HOXD13: variants seen among roughly 807,000 people sequenced by gnomAD.
The protein encoded by HOXD13 is homeobox D13, also known as homeobox protein Hox-D13.
Under a neutral mutation model 27.3 loss-of-function variants are expected in HOXD13, and 16 were observed. That is an observed-to-expected ratio of 0.59 (90% confidence interval 0.40 to 0.89). The LOEUF (loss-of-function observed/expected upper bound fraction) is 0.89. HOXD13 is among the 40% of genes least tolerant of loss of function. The pLI is 0.00. For synonymous variants in HOXD13, 241 were observed against 219.0 expected, an observed-to-expected ratio of 1.10 and a Z score of -0.89; for missense variants, 481 against 482.6, an observed-to-expected ratio of 1.00 and a Z score of 0.03.
At chr2:176,094,384 C>T in intron 1 of HOXD13, 96 bp from the exon 2 acceptor site, 1 of 1,438,330 alleles carries the variant, frequency 7.0e-7, no homozygotes, top group Non-Finnish European at 9.7e-7. Context: ...CCCCTGCAAA[C>T]GCACACACAC....
chr2:176,089,875 A>G (rs1689294574), upstream of HOXD13, among the ~76,000 whole-genome samples: 1 of 152,218 alleles, frequency 6.6e-6, no homozygotes, highest in Admixed American at 6.5e-5. Flanking sequence ...TTCTCACTTA[A>G]CAAAGCCTAT....
chr2:176,094,652 A>G lies in HOXD13; in HGVS notation c.954A>G (p.Arg318=). 1 of 1,613,898 alleles carries G rather than the reference A, an allele frequency of 6.2e-7. No individual in the cohort carries two copies. Among genetic ancestry groups the G allele is most frequent in the South Asian group, 1.1e-5 (1 of 91,078 alleles). Residue 318 remains arginine (R), a synonymous_variant, in exon 2 of 2, where the codon AGA becomes AGG. Transcript: ENST00000392539. ...RISAATNLSE[R]QVTIWFQNRR... ...CGGCTGCTACGAACCTATCTGAGAG[A>G]CAAGTGACCATTTGGTTTCAGAACC... is the stretch of plus-strand genomic sequence containing the variant.
upstream of HOXD13, among the ~76,000 whole-genome samples, chr2:176,091,778 G>C (rs1242174535): frequency 3.9e-5 from 6 of 152,094 alleles, no homozygotes; most frequent in Admixed American, 3.3e-4. Context: ...TGTGAGAAAC[G>C]GGCGGGAGTG....
At chr2:176,090,678 G>A (rs140163341), upstream of HOXD13, among the ~76,000 whole-genome samples, 1,139 of 152,234 alleles carry the variant, frequency 7.5e-3, 7 homozygotes, top group Middle Eastern at 0.024. Flanking sequence ...ATATTTCAAC[G>A]AATTTGTTTT....
Position 176,092,994 on chromosome 2 carries a change from C to T in HOXD13, c.104C>T (p.Ala35Val). The T allele has an allele frequency of 2.2e-6, 3 of 1,353,536 alleles. No homozygotes were observed. The highest frequency in any genetic ancestry group is 1.8e-5 in the South Asian group (1 of 54,940). 83.8% of individuals were successfully genotyped at this position (1,353,536 alleles called of 1,614,324 possible). The change falls in exon 1 of 2, where the codon GCG becomes GTG. Residue 35 changes from alanine (A) to valine (V), a missense_variant. Ala to Val is a moderately conservative substitution (Grantham distance 64). Transcript: ENST00000392539. ...TCCTCCTCATCGGTGGCGGCGGCGG[C>T]GGCGTCAGGCCAGTGCCGCGGCTTT... ...SSSSSSVAAA[A>V]ASGQCRGFLS...
chr2:176,095,563 T>C lies in HOXD13; in HGVS notation c.*833T>C, dbSNP rs1689399981. The C allele has an allele frequency of 4.4e-6, 1 of 228,686 alleles. No homozygotes were observed. Among genetic ancestry groups the C allele is most frequent in the Non-Finnish European group, 8.7e-6 (1 of 115,116 alleles). 14.2% of individuals were successfully genotyped at this position (228,686 alleles called of 1,614,324 possible). A position where few individuals can be genotyped will look rare whatever the true frequency, so the allele number is the denominator to read the frequency against. On this transcript the variant is annotated 3_prime_UTR_variant, in exon 2 of 2. Transcript: ENST00000392539. ...TAAATGCACCTCCTTTTCTTGGCCTTGGATCTATGGGTCTGGGATTGTGGT... is the reference window on the plus strand; with the variant it reads ...TAAATGCACCTCCTTTTCTTGGCCTCGGATCTATGGGTCTGGGATTGTGGT...
upstream of HOXD13, among the ~76,000 whole-genome samples, chr2:176,088,509 G>T (rs1338340447): frequency 6.6e-6 from 1 of 152,132 alleles, no homozygotes; most frequent in Admixed American, 6.5e-5. Context: ...ACTGCGCGCC[G>T]CCGGGCCGGG....
chr2:176,087,989 C>A (rs1207666654), upstream of HOXD13, among the ~76,000 whole-genome samples: 1 of 152,270 alleles, frequency 6.6e-6, no homozygotes, highest in Non-Finnish European at 1.5e-5. Context: ...AGGGGAGGGG[C>A]GCCGGTAAAG....
intron 1 of HOXD13, 81 bp from the exon 2 acceptor site, chr2:176,094,385 GCACACACACACACA>G (rs10649769): frequency 1.0e-4 from 122 of 1,202,120 alleles, no homozygotes; most frequent in Admixed American, 9.5e-5. Flanking sequence ...CCCTGCAAAC[GCACACACACACACA>G]CACACACACA....
In HOXD13 at chr2:176,093,681, A is replaced by T. The variant is rs1225130205; in HGVS notation, c.781+10A>T. The stretch of plus-strand genomic sequence containing the variant: ...AAATCTTCCTTTCCAGGTAGGGGCG[A>T]TGGAGAAAAGGGACCGACACGAGGG... On this transcript the variant is annotated intron_variant, in intron 1 of 1. Transcript: ENST00000392539. 2 of 1,559,564 alleles carry T rather than the reference A, an allele frequency of 1.3e-6. No individual in the cohort carries two copies. Among genetic ancestry groups the T allele is most frequent in the Middle Eastern group, 1.7e-4 (1 of 5,864 alleles).
rs1316570105 is a variant in HOXD13, at chr2:176,093,063, C to A, written c.173C>A (p.Ala58Glu). The change falls in exon 1 of 2, where the codon GCG becomes GAG. Residue 58 changes from alanine to glutamate, a missense_variant. Transcript: ENST00000392539. The part of the protein sequence containing the change: ...VFAGTHSGRA[A>E]AAAAAAAAAA... Reference sequence around the variant, plus strand: ...GCCGGGACGCATTCGGGGCGGGCGGCGGCGGCGGCAGCGGCGGCTGCGGCG... The same window carrying A: ...GCCGGGACGCATTCGGGGCGGGCGGAGGCGGCGGCAGCGGCGGCTGCGGCG... 7.3e-7 allele frequency: 1 copy of A among 1,377,144 alleles called. No individual in the cohort carries two copies. The highest frequency in any genetic ancestry group is 9.3e-7 in the Non-Finnish European group (1 of 1,075,792). 85.3% of individuals were successfully genotyped at this position (1,377,144 alleles called of 1,614,324 possible). A position where few individuals can be genotyped will look rare whatever the true frequency, so the allele number is the denominator to read the frequency against.
chr2:176,087,608 A>G, the HOXD13 span, among the ~76,000 whole-genome samples: 1 of 152,214 alleles, frequency 6.6e-6, no homozygotes, highest in Admixed American at 6.5e-5. Context: ...CAGAATGTGA[A>G]GGCCAAGGCT....
At chr2:176,094,416 C>CACAA in intron 1 of HOXD13, 64 bp from the exon 2 acceptor site, 1 of 1,573,404 alleles carries the variant, frequency 6.4e-7, no homozygotes, top group African/African-American at 1.3e-5. Flanking sequence ...CACACACACA[C>CACAA]AATCCTCAGC....
Position 176,092,974 on chromosome 2 carries a change from C to T in HOXD13, c.84C>T (p.Ser28=). 1 of 1,350,148 alleles carries T rather than the reference C, an allele frequency of 7.4e-7. No individual in the cohort carries two copies. Among genetic ancestry groups the T allele is most frequent in the Non-Finnish European group, 9.5e-7 (1 of 1,053,946 alleles). 83.6% of individuals were successfully genotyped at this position (1,350,148 alleles called of 1,614,324 possible). Residue 28 remains serine (S), a synonymous_variant, in exon 1 of 2, where the codon TCC becomes TCT. Coordinates refer to ENST00000392539, the MANE Select transcript of HOXD13 (RefSeq NM_000523.4). ...GTGGCGCCCCGGCCTCTTCCTCCTC[C>T]TCATCGGTGGCGGCGGCGGCGGCGT... is the stretch of plus-strand genomic sequence containing the variant. The part of the protein sequence containing the change: ...GAGGAPASSS[S]SSVAAAAASG...
upstream of HOXD13, among the ~76,000 whole-genome samples, chr2:176,088,271 G>T (rs1689271516): frequency 6.6e-6 from 1 of 152,246 alleles, no homozygotes; most frequent in Admixed American, 6.5e-5. Flanking sequence ...CCCTCGGCAG[G>T]CCAGCTTCTA....
upstream of HOXD13, among the ~76,000 whole-genome samples, chr2:176,091,327 C>G (rs1689316014): frequency 6.6e-6 from 1 of 152,174 alleles, no homozygotes; most frequent in African/African-American, 2.4e-5. Context: ...GTGCATGCCA[C>G]AGAACCAAAT....
Position 176,095,174 on chromosome 2 carries a change from T to C in HOXD13, c.*444T>C. 3.9e-6 allele frequency: 1 copy of C among 258,846 alleles called. No homozygotes were observed. The highest frequency in any genetic ancestry group is 1.1e-4 in the South Asian group (1 of 9,370). 16.0% of individuals were successfully genotyped at this position (258,846 alleles called of 1,614,324 possible). On this transcript the variant is annotated 3_prime_UTR_variant, in exon 2 of 2. Transcript: ENST00000392539. Reference sequence around the variant, plus strand: ...GAATGGTTTTCAGTCGTTCATATCCTGTAATTAGGTAATTGAATCATTAGC... The same window carrying C: ...GAATGGTTTTCAGTCGTTCATATCCCGTAATTAGGTAATTGAATCATTAGC...
At position 176,094,600 on chromosome 2, in the gene HOXD13, T is replaced by C; in HGVS notation, c.902T>C (p.Ile301Thr). ...LENEYAINKF[I>T]NKDKRRRISA... is the part of the protein sequence containing the mutation. Reference sequence around the variant, plus strand: ...AACGAGTATGCCATTAACAAATTCATTAACAAGGACAAGCGGCGGCGTATC... The same window carrying C: ...AACGAGTATGCCATTAACAAATTCACTAACAAGGACAAGCGGCGGCGTATC... Residue 301 changes from isoleucine to threonine, a missense_variant, in exon 2 of 2, where the codon ATT (isoleucine) becomes ACT (threonine). Coordinates refer to ENST00000392539, the MANE Select transcript of HOXD13 (RefSeq NM_000523.4). 6.2e-7 allele frequency: 1 copy of C among 1,614,154 alleles called. No homozygotes were observed. Among genetic ancestry groups the C allele is most frequent in the South Asian group, 1.1e-5 (1 of 91,078 alleles).
chr2:176,091,633 C>A (rs1432898317), upstream of HOXD13, among the ~76,000 whole-genome samples: 1 of 152,218 alleles, frequency 6.6e-6, no homozygotes, highest in Non-Finnish European at 1.5e-5. Context: ...CTCTGGGCTG[C>A]TCCTATCACA....
Sources: allele counts gnomAD v4.1 joint callset (sites outside exome capture counted in the v4.1 genomes callset), GRCh38; gene constraint gnomAD v4.1.1; transcripts MANE v1.5; gene names NCBI Gene and HGNC (gene_info 2026-07-23, HGNC 2026-07-21).